The following ZSWIM3 variants were observed in gnomAD, a reference collection of about 807,000 sequenced individuals.
The protein encoded by ZSWIM3 is zinc finger SWIM-type containing 3.
A neutral mutation model predicts 47.5 loss-of-function variants in ZSWIM3; 27 were observed. That is an observed-to-expected ratio of 0.57 (90% confidence interval 0.42 to 0.78). The LOEUF (loss-of-function observed/expected upper bound fraction) is 0.78. ZSWIM3 is among the 30% of genes least tolerant of loss of function. The pLI is 0.00. For missense variants in ZSWIM3, 689 were observed against 861.3 expected (o/e 0.80, Z 2.50); for synonymous variants, 333 against 333.9 (o/e 1.00, Z 0.03).
At chr20:45,859,816 AC>A in intron 1 of ZSWIM3, among the ~76,000 whole-genome samples, 1 of 129,380 alleles carries the variant, frequency 7.7e-6, no homozygotes, top group Middle Eastern at 4.4e-3. Flanking sequence ...AAAAAAAAAA[AC>A]CACAGTTGCC....
rs1986167376 is a variant in ZSWIM3 at position 45,878,574 on chromosome 20, C to T, written c.2016C>T (p.Gly672=). ...FQQPGDFKDV[G]RLPFLWGKQE... ...AGCCAGGAGACTTTAAGGACGTGGG[C>T]CGCCTCCCTTTCCTCTGGGGAAAGC... The change falls in exon 2 of 2, where the codon GGC becomes GGT. Residue 672 remains glycine (G), a synonymous_variant. Coordinates refer to ENST00000255152, the MANE Select transcript of ZSWIM3 (RefSeq NM_080752.4). 4.3e-6 allele frequency: 7 copies of T among 1,613,980 alleles called. No individual in the cohort carries two copies. In the South Asian group the frequency reaches 7.7e-5, roughly 18 times the overall value.
Position 45,877,205 on chromosome 20 carries a change from G to T in ZSWIM3, c.647G>T (p.Arg216Leu). 1 of 1,614,100 alleles carries T rather than the reference G, an allele frequency of 6.2e-7. No homozygotes were observed. The highest frequency in any genetic ancestry group is 8.5e-7 in the Non-Finnish European group (1 of 1,180,024). The change falls in exon 2 of 2, where the codon CGC (arginine) becomes CTC (leucine). Residue 216 changes from arginine to leucine, a missense_variant. Transcript: ENST00000255152. The part of the protein sequence containing the change: ...QSSKMTDLFI[R>L]FPENLLLHRV... ...AGTAAGATGACCGACCTGTTCATCC[G>T]CTTCCCAGAGAATCTCTTGCTACAC...
intron 1 of ZSWIM3, among the ~76,000 whole-genome samples, chr20:45,874,282 C>CT (rs1986040656): frequency 6.6e-6 from 1 of 152,136 alleles, no homozygotes. Context: ...GAGGCTGACG[C>CT]GGGTGGATCA....
Position 45,876,442 on chromosome 20 carries a change from G to A in ZSWIM3, c.156-272G>A, listed in dbSNP as rs567089868. 9.9e-5 allele frequency among the ~76,000 whole-genome samples: 15 copies of A among 152,156 alleles called. 1 individual carries two copies. Among genetic ancestry groups the A allele is most frequent in the Admixed American group, 8.5e-4 (13 of 15,278 alleles). The stretch of plus-strand genomic sequence containing the variant: ...CAGCCTTAACTTCCCAGGCTCAAGC[G>A]ATCCTCCCTTCTCTGCCTCCTGAAT... On this transcript the variant is annotated intron_variant, in intron 1 of 1. Transcript: ENST00000255152.
In ZSWIM3 at chr20:45,857,913, C is replaced by A. The variant is rs769920235; in HGVS notation, c.88C>A (p.Leu30Ile). 1.9e-6 allele frequency: 3 copies of A among 1,611,914 alleles called. No homozygotes were observed. The East Asian group carries it at 6.7e-5, about 36-fold the overall frequency. The change falls in exon 1 of 2, where the codon CTC becomes ATC. Residue 30 changes from leucine to isoleucine, a missense_variant. Leu to Ile is a conservative substitution (Grantham distance 5). Transcript: ENST00000255152. ...AAGGGAGAACAGGTGCTCCTTCATT[C>A]TCAGGGACTGCGTCTCCGTCCGCTT... ...YKRENRCSFI[L>I]RDCVSVRFHN...
At chr20:45,859,146 C>G (rs1053111376) in intron 1 of ZSWIM3, among the ~76,000 whole-genome samples, 5 of 151,806 alleles carry the variant, frequency 3.3e-5, no homozygotes, top group African/African-American at 1.2e-4. Flanking sequence ...GTGGATTTTC[C>G]CATTTAAAAA....
At position 45,877,217 on chromosome 20, in the gene ZSWIM3, A is replaced by G. The variant is rs1986120682; in HGVS notation, c.659A>G (p.Asn220Ser). 2 of 1,613,780 alleles carry G rather than the reference A, an allele frequency of 1.2e-6. No individual in the cohort carries two copies. Among genetic ancestry groups the G allele is most frequent in the African/African-American group, 2.7e-5 (2 of 74,824 alleles). The change falls in exon 2 of 2, where the codon AAT becomes AGT. Residue 220 changes from asparagine to serine, a missense_variant. Asn to Ser is a conservative substitution (Grantham distance 46, BLOSUM62 1). Coordinates refer to ENST00000255152, the MANE Select transcript of ZSWIM3 (RefSeq NM_080752.4). ...GACCTGTTCATCCGCTTCCCAGAGAATCTCTTGCTACACCGGGTGGAGAAC... is the reference window on the plus strand; with the variant it reads ...GACCTGTTCATCCGCTTCCCAGAGAGTCTCTTGCTACACCGGGTGGAGAAC... ...MTDLFIRFPE[N>S]LLLHRVENTQ...
Position 45,876,935 on chromosome 20 carries a change from G to C in ZSWIM3, c.377G>C (p.Arg126Thr), listed in dbSNP as rs1568749499. 6.2e-7 allele frequency: 1 copy of C among 1,614,100 alleles called. No individual in the cohort carries two copies. The highest frequency in any genetic ancestry group is 8.5e-7 in the Non-Finnish European group (1 of 1,180,032). ...TCTCAAAAGACAATGTGCCTGCAGAGACTCCAGCCTGTGCAGCCCACAACC... is the reference window on the plus strand; with the variant it reads ...TCTCAAAAGACAATGTGCCTGCAGACACTCCAGCCTGTGCAGCCCACAACC... Reference protein sequence around the residue: ...GKSQKTMCLQRLQPVQPTTKK... With the variant: ...GKSQKTMCLQTLQPVQPTTKK... Residue 126 changes from arginine to threonine, a missense_variant, in exon 2 of 2, where the codon AGA becomes ACA. Arg to Thr is a moderately conservative substitution (Grantham distance 71, BLOSUM62 -1). Coordinates refer to ENST00000255152, the MANE Select transcript of ZSWIM3 (RefSeq NM_080752.4).
Position 45,878,587 on chromosome 20 carries a change from C to T in ZSWIM3, c.2029C>T (p.Leu677Phe). ...TAAGGACGTGGGCCGCCTCCCTTTC[C>T]TCTGGGGAAAGCAAGAAGAAGGGGA... ...DFKDVGRLPF[L>F]WGKQEEGEGF... The change falls in exon 2 of 2, where the codon CTC becomes TTC. Residue 677 changes from leucine (L) to phenylalanine (F), a missense_variant. Transcript: ENST00000255152. 1 of 1,613,894 alleles carries T rather than the reference C, an allele frequency of 6.2e-7. No homozygotes were observed.
At chr20:45,866,253 T>G (rs2145787887) in intron 1 of ZSWIM3, among the ~76,000 whole-genome samples, 1 of 151,924 alleles carries the variant, frequency 6.6e-6, no homozygotes, top group African/African-American at 2.4e-5. Flanking sequence ...AGCTGAGATC[T>G]CACCACTGCA....
chr20:45,869,656 A>T (rs767535986), intron 1 of ZSWIM3, among the ~76,000 whole-genome samples: 4 of 152,024 alleles, frequency 2.6e-5, no homozygotes, highest in Non-Finnish European at 5.9e-5. Flanking sequence ...AGTGGCCTGG[A>T]CTCTGCATTT....
At position 45,876,903 on chromosome 20, in the gene ZSWIM3, T is replaced by A. The variant is rs1220580114; in HGVS notation, c.345T>A (p.Thr115=). 5 of 1,614,174 alleles carry A rather than the reference T, an allele frequency of 3.1e-6. No homozygotes were observed. The highest frequency in any genetic ancestry group is 4.2e-6 in the Non-Finnish European group (5 of 1,180,032). Residue 115 remains threonine (T), a synonymous_variant, in exon 2 of 2, where the codon ACT becomes ACA. Transcript: ENST00000255152. ...TGGCTAGTCCTGGAGGAGACACCACTGGCAAATCTCAAAAGACAATGTGCC... is the reference window on the plus strand; with the variant it reads ...TGGCTAGTCCTGGAGGAGACACCACAGGCAAATCTCAAAAGACAATGTGCC... ...SKVASPGGDT[T]GKSQKTMCLQ...
chr20:45,869,471 A>G (rs1810767689), intron 1 of ZSWIM3, among the ~76,000 whole-genome samples: 1 of 151,800 alleles, frequency 6.6e-6, no homozygotes, highest in Non-Finnish European at 1.5e-5. Flanking sequence ...GTGAGGCGAG[A>G]TCATGCCACG....
intron 1 of ZSWIM3, among the ~76,000 whole-genome samples, chr20:45,874,295 T>A (rs1216174519): frequency 6.6e-6 from 1 of 152,182 alleles, no homozygotes; most frequent in Non-Finnish European, 1.5e-5. Context: ...GTGGATCACT[T>A]GAGGTCAGGG....
At position 45,878,491 on chromosome 20, in the gene ZSWIM3, C is replaced by T. The variant is rs141913268; in HGVS notation, c.1933C>T (p.Leu645=). The change falls in exon 2 of 2, where the codon CTG becomes TTG. Residue 645 remains leucine (L), a synonymous_variant. Transcript: ENST00000255152. The part of the protein sequence containing the change: ...GPELEERYST[L]RKIVDIWAGP... ...AGAGCTGGAGGAACGCTACTCCACC[C>T]TGCGCAAGATTGTGGATATCTGGGC... 82 of 1,614,094 alleles carry T rather than the reference C, an allele frequency of 5.1e-5. No individual in the cohort carries two copies. In the African/African-American group the frequency reaches 1.0e-3, roughly 20 times the overall value.
intron 1 of ZSWIM3, among the ~76,000 whole-genome samples, chr20:45,868,891 C>T (rs1225427896): frequency 2.6e-5 from 4 of 151,940 alleles, no homozygotes; most frequent in African/African-American, 9.7e-5. Flanking sequence ...CAACCTCCAC[C>T]TCCGGGTGCA....
intron 1 of ZSWIM3, among the ~76,000 whole-genome samples, chr20:45,870,432 A>G (rs528089927): frequency 6.6e-6 from 1 of 152,226 alleles, no homozygotes; most frequent in East Asian, 1.9e-4. Flanking sequence ...TTCCTAATAC[A>G]ATTACCTTAA....
chr20:45,870,214 C>T (rs908634753), intron 1 of ZSWIM3, among the ~76,000 whole-genome samples: 2 of 151,912 alleles, frequency 1.3e-5, no homozygotes, highest in South Asian at 2.1e-4. Context: ...CGGTAGCATG[C>T]CTGTAGTCCC....
chr20:45,858,333 A>G (rs769954007), intron 1 of ZSWIM3, among the ~76,000 whole-genome samples: 6 of 152,222 alleles, frequency 3.9e-5, no homozygotes, highest in Non-Finnish European at 8.8e-5. Flanking sequence ...TCCTCTTTAC[A>G]AAACAGTCAC....
Sources: gnomAD v4.1 joint callset for allele counts (sites outside exome capture counted in the v4.1 genomes callset) on GRCh38, gnomAD v4.1.1 for gene constraint, MANE v1.5 for transcripts, NCBI Gene and HGNC (gene_info 2026-07-23, HGNC 2026-07-21) for gene names.